The following PCDHA7 variants were observed in gnomAD, a reference collection of about 807,000 sequenced individuals.
The protein encoded by PCDHA7 is protocadherin alpha-7.
In PCDHA7, 37 loss-of-function variants were observed where a neutral mutation model predicts 57.2. That is an observed-to-expected ratio of 0.65 (90% CI 0.50 to 0.85). The LOEUF is 0.85. Among genes scored for constraint, PCDHA7 ranks in the 40% least tolerant of loss-of-function variants. The probability of loss-of-function intolerance (pLI) is 0.00; values close to 1 mark genes in which losing one functional copy is unlikely to be tolerated. For synonymous variants in PCDHA7, 553 were observed against 558.8 expected, an observed-to-expected ratio of 0.99 and a Z score of 0.15; for missense variants, 1,188 against 1,241.8, an observed-to-expected ratio of 0.96 and a Z score of 0.65.
At chr5:140,983,822 T>C (rs1453990514) in intron 3 of PCDHA7, among the ~76,000 whole-genome samples, 2 of 152,216 alleles carry the variant, frequency 1.3e-5, no homozygotes, top group Non-Finnish European at 2.9e-5. Flanking sequence ...TTCCCAAAAA[T>C]AATCAGATGC....
At chr5:140,890,576 A>T (rs1554184435) in intron 1 of PCDHA7, among the ~76,000 whole-genome samples, 2 of 151,634 alleles carry the variant, frequency 1.3e-5, no homozygotes, top group African/African-American at 4.8e-5. Flanking sequence ...TTCCTTCTGT[A>T]TTATTTGGAA....
chr5:141,009,929 G>T lies in PCDHA7; in HGVS notation c.2806G>T (p.Asp936Tyr). Residue 936 changes from aspartate to tyrosine, a missense_variant, in exon 4 of 4, where the codon GAC becomes TAC. This residue lies in a region of PCDHA7 where 892 missense variants were observed against 788.5 expected (regional missense o/e 1.13). Transcript: ENST00000525929. Reference protein sequence around the residue: ...EKGNSTTDNSDQ With the variant: ...EKGNSTTDNSYQ ...AGGGAACAGCACGACTGACAACAGT[G>T]ACCAGTGAGGTCCTCAAATGGAAAC... 1 of 1,603,730 alleles carries T rather than the reference G, an allele frequency of 6.2e-7. No homozygotes were observed. The highest frequency in any genetic ancestry group is 1.1e-5 in the South Asian group (1 of 89,000).
Position 140,835,828 on chromosome 5 carries a change from C to A in PCDHA7, c.1445C>A (p.Ala482Glu). The A allele has an allele frequency of 6.2e-7, 1 of 1,612,490 alleles. No homozygotes were observed. ...ATCTTCACTGTGTCGGCGGGGGACG[C>A]GGACGCGCAGAAGAACGCGCTGGTG... is the stretch of plus-strand genomic sequence containing the variant. ...CHIFTVSAGD[A>E]DAQKNALVSY... Residue 482 changes from alanine to glutamate, a missense_variant, in exon 1 of 4, where the codon GCG becomes GAG. Ala to Glu is a moderately radical substitution (Grantham distance 107). This residue lies in a region of PCDHA7 where 892 missense variants were observed against 788.5 expected (regional missense o/e 1.13). Coordinates refer to ENST00000525929, the MANE Select transcript of PCDHA7 (RefSeq NM_018910.3).
intron 1 of PCDHA7, among the ~76,000 whole-genome samples, chr5:140,900,525 C>A (rs1322679465): frequency 6.6e-6 from 1 of 152,232 alleles, no homozygotes; most frequent in East Asian, 1.9e-4. Context: ...GATCTGCCCA[C>A]CTCGGCTTTC....
rs2150316102 is a variant in PCDHA7 at position 140,841,467 on chromosome 5, C to T, written c.2355+4729C>T. On this transcript the variant is annotated intron_variant, in intron 1 of 3. Coordinates refer to ENST00000525929, the MANE Select transcript of PCDHA7 (RefSeq NM_018910.3). Reference sequence around the variant, plus strand: ...CACGGCACCTTCGTGGGCCGGATCGCGCAGGACCTGGGGCTGGAGCTGGCG... The same window carrying T: ...CACGGCACCTTCGTGGGCCGGATCGTGCAGGACCTGGGGCTGGAGCTGGCG... The T allele has an allele frequency of 2.4e-5, 39 of 1,612,946 alleles. 1 individual carries two copies. In the South Asian group the frequency reaches 4.0e-4, roughly 16 times the overall value.
At chr5:140,899,713 T>G (rs1336302647) in intron 1 of PCDHA7, among the ~76,000 whole-genome samples, 1 of 152,210 alleles carries the variant, frequency 6.6e-6, no homozygotes, top group Non-Finnish European at 1.5e-5. Context: ...TTAGGGAGGA[T>G]TCCCTCTTTT....
At chr5:140,877,316 C>T in intron 1 of PCDHA7, 1 of 1,613,948 alleles carries the variant, frequency 6.2e-7, no homozygotes. Flanking sequence ...CAACCGGCGG[C>T]GGTCGGCGCG....
rs143060335 is a variant in PCDHA7 at position 140,868,584 on chromosome 5, G to A, written c.2355+31846G>A. 748 of 153,118 alleles carry A rather than the reference G, an allele frequency of 4.9e-3. 7 individuals carry two copies. Among genetic ancestry groups the A allele is most frequent in the African/African-American group, 0.016 (680 of 41,552 alleles). The allele number at this position is 153,118 out of a possible 1,614,324, so 9.5% of individuals were successfully genotyped here. A position where few individuals can be genotyped will look rare whatever the true frequency, so the allele number is the denominator to read the frequency against. Reference sequence around the variant, plus strand: ...ATGAGGAACAACACTTTCAGGAAATGTTTAACCCTAGTTTTTCATGAGGCC... The same window carrying A: ...ATGAGGAACAACACTTTCAGGAAATATTTAACCCTAGTTTTTCATGAGGCC... On this transcript the variant is annotated intron_variant, in intron 1 of 3. Transcript: ENST00000525929.
chr5:140,860,155 A>G (rs1159738413), intron 1 of PCDHA7: 2 of 149,648 alleles, frequency 1.3e-5, no homozygotes, highest in African/African-American at 4.9e-5. Flanking sequence ...ATATATGTGT[A>G]TATATATATG....
rs2150259463 is a variant in PCDHA7 at position 140,836,384 on chromosome 5, GTC to G, written c.2002_2003del (p.Ser668AlafsTer61). The G allele has an allele frequency of 6.8e-6, 11 of 1,613,636 alleles. No individual in the cohort carries two copies. Among genetic ancestry groups the G allele is most frequent in the Non-Finnish European group, 9.3e-6 (11 of 1,179,858 alleles). ...TGACAGCCACAGCCACCGTGCTGGT[GTC>G]GCTGGTGGAAAGCGGCCAGGCACCA... is the stretch of plus-strand genomic sequence containing the variant. ...SLTATATVLVSLVESGQAPKA... is the reference protein window; with the variant it reads ...SLTATATVLVXLVESGQAPKA... On this transcript the variant is annotated frameshift_variant, in exon 1 of 4. Transcript: ENST00000525929. LOFTEE classifies it high-confidence loss of function.
intron 1 of PCDHA7, among the ~76,000 whole-genome samples, chr5:140,936,024 C>T (rs536876826): frequency 1.4e-4 from 22 of 151,890 alleles, no homozygotes; most frequent in African/African-American, 4.6e-4. Flanking sequence ...TCCCGAGTAG[C>T]GGGGATTACA....
chr5:140,912,343 A>AT (rs35252606), intron 1 of PCDHA7, among the ~76,000 whole-genome samples: 1,442 of 143,856 alleles, frequency 0.01, 7 homozygotes, highest in South Asian at 0.021. Flanking sequence ...TACACTAAGT[A>AT]TTTTTTTTTT....
chr5:140,966,363 G>A (rs1476634162), intron 1 of PCDHA7: 3 of 402,216 alleles, frequency 7.5e-6, no homozygotes, highest in Admixed American at 4.4e-5. Flanking sequence ...GGGCTGGAGA[G>A]GCTGAGCAGT....
At chr5:140,846,140 T>C (rs1780219346) in intron 1 of PCDHA7, among the ~76,000 whole-genome samples, 1 of 149,740 alleles carries the variant, frequency 6.7e-6, no homozygotes, top group Non-Finnish European at 1.5e-5. Context: ...GTTTCCCATA[T>C]TTAAAAGTTG....
In PCDHA7 at chr5:141,012,312, C is replaced by CTGT; in HGVS notation, c.*2377_*2379dup. On this transcript the variant is annotated 3_prime_UTR_variant, in exon 4 of 4. Transcript: ENST00000525929. ...TGAATTGGTGCTATTGGTATTTCCT[C>CTGT]TGTTATTGCTAATAAATGAAAATGG... The CTGT allele has an allele frequency of 6.5e-6, 1 of 153,698 alleles. No individual in the cohort carries two copies. Among genetic ancestry groups the CTGT allele is most frequent in the Middle Eastern group, 3.2e-3 (1 of 316 alleles). 9.5% of individuals were successfully genotyped at this position (153,698 alleles called of 1,614,324 possible).
rs1210767626 is a variant in PCDHA7 at position 141,010,197 on chromosome 5, C to T, written c.*260C>T. 1 of 1,552,200 alleles carries T rather than the reference C, an allele frequency of 6.4e-7. No homozygotes were observed. The highest frequency in any genetic ancestry group is 1.2e-5 in the South Asian group (1 of 84,134). On this transcript the variant is annotated 3_prime_UTR_variant, in exon 4 of 4. Coordinates refer to ENST00000525929, the MANE Select transcript of PCDHA7 (RefSeq NM_018910.3). ...AAAAGCAGACCCAAGTTTCCTTTCT[C>T]CTCCGCCGCAAAGGAGAGGCTTCCC...
At position 140,835,747 on chromosome 5, in the gene PCDHA7, T is replaced by C; in HGVS notation, c.1364T>C (p.Phe455Ser). ...VADVNDNAPA[F>S]AQPEYTVFVK... ...GACGTGAACGACAACGCCCCGGCGT[T>C]CGCGCAGCCCGAGTATACGGTGTTC... The change falls in exon 1 of 4, where the codon TTC becomes TCC. Residue 455 changes from phenylalanine (F) to serine (S), a missense_variant. By Grantham distance (155) the Phe-to-Ser change is radical. Coordinates refer to ENST00000525929, the MANE Select transcript of PCDHA7 (RefSeq NM_018910.3). 6.2e-7 allele frequency: 1 copy of C among 1,613,592 alleles called. No homozygotes were observed. Among genetic ancestry groups the C allele is most frequent in the Non-Finnish European group, 8.5e-7 (1 of 1,179,840 alleles).
intron 1 of PCDHA7, among the ~76,000 whole-genome samples, chr5:140,912,652 G>C (rs555103404): frequency 1.4e-4 from 21 of 152,250 alleles, no homozygotes; most frequent in African/African-American, 5.1e-4. Context: ...TTGAATAGAA[G>C]TGGTGAAAAT....
At chr5:140,900,079 C>T (rs1289822790) in intron 1 of PCDHA7, among the ~76,000 whole-genome samples, 11 of 152,066 alleles carry the variant, frequency 7.2e-5, no homozygotes, top group East Asian at 3.9e-4. Context: ...AAAAGTGCTG[C>T]AGTTACAAGC....
Sources: allele counts gnomAD v4.1 joint callset (sites outside exome capture counted in the v4.1 genomes callset), GRCh38; gene constraint gnomAD v4.1.1; regional missense constraint gnomAD v4.1.1; transcripts MANE v1.5; gene names NCBI Gene and HGNC (gene_info 2026-07-23, HGNC 2026-07-21).